ADGRL2: variants seen among roughly 807,000 people sequenced by gnomAD.
The protein encoded by ADGRL2 is adhesion G protein-coupled receptor L2, also known as calcium-independent alpha-latrotoxin receptor 2.
In ADGRL2, 44 loss-of-function variants were observed where a neutral mutation model predicts 157.4. The observed-to-expected ratio is 0.28, with a 90% confidence interval of 0.22 to 0.36. The LOEUF (loss-of-function observed/expected upper bound fraction) is 0.36. Among genes scored for constraint, ADGRL2 ranks in the 10% least tolerant of loss-of-function variants. The pLI, the probability that ADGRL2 is intolerant of heterozygous loss-of-function variation, is 1.00. For missense variants in ADGRL2, 1,510 were observed against 1,768.9 expected (o/e 0.85, Z 2.63); for synonymous variants, 585 against 624.7 (o/e 0.94, Z 0.95).
At chr1:81,335,757 C>T (rs1009343778) in intron 1 of ADGRL2, among the ~76,000 whole-genome samples, 3 of 151,808 alleles carry the variant, frequency 2.0e-5, no homozygotes, top group African/African-American at 7.3e-5. Flanking sequence ...TCATCCCTTC[C>T]TTTAGTTATT....
intron 3 of ADGRL2, among the ~76,000 whole-genome samples, chr1:81,590,985 G>A (rs560129869): frequency 6.6e-6 from 1 of 152,274 alleles, no homozygotes; most frequent in East Asian, 1.9e-4. Context: ...CATACATGCA[G>A]TCAAGTCCTA....
At chr1:81,863,833 T>G in intron 2 of ADGRL2, among the ~76,000 whole-genome samples, 1 of 152,198 alleles carries the variant, frequency 6.6e-6, no homozygotes, top group East Asian at 1.9e-4. Flanking sequence ...CTGAATTATG[T>G]GTCACCAGTT....
chr1:81,360,545 A>G (rs937211200), intron 1 of ADGRL2, among the ~76,000 whole-genome samples: 5 of 151,960 alleles, frequency 3.3e-5, no homozygotes, highest in Non-Finnish European at 7.4e-5. Context: ...CTACAATTTT[A>G]TGCAGGTTCA....
intron 3 of ADGRL2, among the ~76,000 whole-genome samples, chr1:81,916,848 G>A (rs1204923388): frequency 2.0e-5 from 3 of 151,876 alleles, no homozygotes; most frequent in Non-Finnish European, 4.4e-5. Flanking sequence ...ATTTAATAGA[G>A]AAAACATCTT....
intron 2 of ADGRL2, among the ~76,000 whole-genome samples, chr1:81,461,573 A>G (rs1318345494): frequency 6.6e-6 from 1 of 152,198 alleles, no homozygotes; most frequent in Non-Finnish European, 1.5e-5. Flanking sequence ...GTAGTTCACT[A>G]GCAAAGGATC....
At chr1:81,659,057 T>TG (rs1434433469) in intron 3 of ADGRL2, among the ~76,000 whole-genome samples, 2 of 121,016 alleles carry the variant, frequency 1.7e-5, no homozygotes. Flanking sequence ...CAGCAATTTT[T>TG]TTTTTTTTTT....
At chr1:81,577,436 T>A (rs900275215) in intron 2 of ADGRL2, among the ~76,000 whole-genome samples, 1 of 152,164 alleles carries the variant, frequency 6.6e-6, no homozygotes, top group African/African-American at 2.4e-5. Context: ...CAATATGACA[T>A]TGCTGGTGAG....
chr1:81,547,894 C>T (rs1446741031), intron 2 of ADGRL2, among the ~76,000 whole-genome samples: 1 of 152,150 alleles, frequency 6.6e-6, no homozygotes, highest in African/African-American at 2.4e-5. Flanking sequence ...TAACTCCCAC[C>T]AAAATAACAA....
chr1:81,319,551 T>C (rs1483159713), intron 1 of ADGRL2, among the ~76,000 whole-genome samples: 2 of 152,180 alleles, frequency 1.3e-5, no homozygotes, highest in African/African-American at 2.4e-5. Flanking sequence ...AGAACAGCAT[T>C]TCTACAAAGC....
chr1:81,517,974 G>A (rs2079218982), intron 2 of ADGRL2, among the ~76,000 whole-genome samples: 1 of 152,174 alleles, frequency 6.6e-6, no homozygotes, highest in Non-Finnish European at 1.5e-5. Context: ...TATATCTCTG[G>A]GAGGAAAGTT....
Position 81,531,764 on chromosome 1 carries a change from A to C in ADGRL2, c.-247-49112A>C, listed in dbSNP as rs1384442982. Among the ~76,000 whole-genome samples the C allele has an allele frequency of 2.0e-5, 3 of 152,278 alleles. No homozygotes were observed. The East Asian group carries it at 5.8e-4, about 29-fold the overall frequency. On this transcript the variant is annotated intron_variant, in intron 2 of 24. Coordinates refer to the ADGRL2 transcript ENST00000370721. ...AGGTTAGGGCTAGGATCGTGTCTAG[A>C]ATGAAGGGCCTATATTAGTTATTGG...
intron 3 of ADGRL2, among the ~76,000 whole-genome samples, chr1:81,926,328 A>C (rs2095105778): frequency 6.6e-6 from 1 of 151,988 alleles, no homozygotes; most frequent in African/African-American, 2.4e-5. Flanking sequence ...AACCCACGAC[A>C]AAAGGGTCTG....
At chr1:81,798,457 A>AT (rs1325130432), upstream of ADGRL2, among the ~76,000 whole-genome samples, 1 of 152,166 alleles carries the variant, frequency 6.6e-6, no homozygotes, top group African/African-American at 2.4e-5. Context: ...CTTAAATGTA[A>AT]TTTTAAAACA....
intron 1 of ADGRL2, among the ~76,000 whole-genome samples, chr1:81,322,524 T>C (rs1232131835): frequency 6.6e-6 from 1 of 152,100 alleles, no homozygotes; most frequent in East Asian, 1.9e-4. Flanking sequence ...ATAAGTTTAA[T>C]ATGCACCAGT....
chr1:81,864,501 AT>A (rs1159079282), intron 2 of ADGRL2, among the ~76,000 whole-genome samples: 1 of 152,156 alleles, frequency 6.6e-6, no homozygotes, highest in Non-Finnish European at 1.5e-5. Context: ...TTAAGGATAA[AT>A]TTTTTAAAAA....
intron 1 of ADGRL2, among the ~76,000 whole-genome samples, chr1:81,740,223 G>T (rs2085029085): frequency 6.6e-6 from 1 of 152,118 alleles, no homozygotes; most frequent in Non-Finnish European, 1.5e-5. Flanking sequence ...CAAAATGCTG[G>T]TTATTCTGTT....
intron 2 of ADGRL2, among the ~76,000 whole-genome samples, chr1:81,468,824 T>C (rs1228673609): frequency 1.3e-5 from 2 of 152,200 alleles, no homozygotes; most frequent in African/African-American, 4.8e-5. Flanking sequence ...TTCTGTAATC[T>C]GTGTGCTCAG....
intron 21 of ADGRL2, 147 bp downstream of exon 21, chr1:81,985,502 A>G: frequency 2.0e-6 from 1 of 497,998 alleles, no homozygotes; most frequent in South Asian, 3.2e-5. Flanking sequence ...ATACCTTGCC[A>G]CAGATTAAAA....
chr1:81,697,347 G>A (rs1251057481), upstream of ADGRL2, among the ~76,000 whole-genome samples: 2 of 152,278 alleles, frequency 1.3e-5, no homozygotes, highest in Admixed American at 6.5e-5. Context: ...TATTAAATAA[G>A]TGCTCAATAA....
Sources: allele counts gnomAD v4.1 joint callset (sites outside exome capture counted in the v4.1 genomes callset), GRCh38; gene constraint gnomAD v4.1.1; transcripts MANE v1.5; gene names NCBI Gene and HGNC (gene_info 2026-07-23, HGNC 2026-07-21).